The following ACVR1C variants were observed in gnomAD, a reference collection of about 807,000 sequenced individuals.
ACVR1C encodes activin A receptor type 1C.
ACVR1C carries 23 observed loss-of-function variants against 57.9 expected under a neutral mutation model. The ratio of observed to expected loss-of-function variants is 0.40; its 90% CI spans 0.29 to 0.56. The LOEUF is 0.56. Among genes scored for constraint, ACVR1C ranks in the 20% least tolerant of loss-of-function variants. ACVR1C has a pLI of 0.50. For missense variants in ACVR1C, 480 were observed against 607.9 expected (o/e 0.79, Z 2.21); for synonymous variants, 214 against 215.3 (o/e 0.99, Z 0.05).
chr2:157,584,609 T>A (rs1688873305), intron 2 of ACVR1C, among the ~76,000 whole-genome samples: 1 of 152,198 alleles, frequency 6.6e-6, no homozygotes, highest in Admixed American at 6.5e-5. Flanking sequence ...GGCAAGAATA[T>A]GTACTAACTG....
chr2:157,622,942 T>A (rs1439810332), intron 1 of ACVR1C, among the ~76,000 whole-genome samples: 5 of 151,954 alleles, frequency 3.3e-5, no homozygotes, highest in Non-Finnish European at 5.9e-5. Context: ...ATAAAAAAAT[T>A]GACAAAAGAT....
intron 3 of ACVR1C, among the ~76,000 whole-genome samples, chr2:157,551,189 G>T (rs184803919): frequency 6.6e-6 from 1 of 152,316 alleles, no homozygotes; most frequent in Non-Finnish European, 1.5e-5. Context: ...TCAGATTTCA[G>T]CTCTGCCACC....
chr2:157,536,666 T>C (rs887465107), intron 8 of ACVR1C, among the ~76,000 whole-genome samples: 2 of 152,096 alleles, frequency 1.3e-5, no homozygotes, highest in African/African-American at 4.8e-5. Flanking sequence ...AAAATACTTT[T>C]AAAGGATTCA....
intron 3 of ACVR1C, among the ~76,000 whole-genome samples, chr2:157,551,397 G>A (rs1687921775): frequency 6.6e-6 from 1 of 152,104 alleles, no homozygotes; most frequent in Admixed American, 6.5e-5. Flanking sequence ...CTTACTCAGA[G>A]CCAATAATAA....
intron 1 of ACVR1C, among the ~76,000 whole-genome samples, chr2:157,590,375 G>A (rs1689032493): frequency 6.6e-6 from 1 of 151,618 alleles, no homozygotes; most frequent in African/African-American, 2.4e-5. Context: ...TTCAAATACC[G>A]ATATGGGAGC....
chr2:157,543,368 C>A (rs924727680), intron 5 of ACVR1C, among the ~76,000 whole-genome samples: 4 of 152,052 alleles, frequency 2.6e-5, no homozygotes, highest in African/African-American at 4.8e-5. Context: ...GAATGAAGAA[C>A]AGGTATGAAA....
In ACVR1C at chr2:157,600,154, T is replaced by G. The variant is rs543205857; in HGVS notation, c.74-12737A>C. On this transcript the variant is annotated intron_variant, in intron 1 of 8. Coordinates refer to ENST00000243349, the MANE Select transcript of ACVR1C (RefSeq NM_145259.3). ...TGAGGAAGAAAACTGTTCAGGAGAA[T>G]CATGTATTCTTATAAAGACTGACAT... Among the ~76,000 whole-genome samples, 7 of 152,286 alleles carry G rather than the reference T, an allele frequency of 4.6e-5. No individual in the cohort carries two copies. In the South Asian group the frequency reaches 1.2e-3, roughly 27 times the overall value.
intron 1 of ACVR1C, among the ~76,000 whole-genome samples, chr2:157,593,025 C>T (rs1470705043): frequency 3.3e-5 from 5 of 152,056 alleles, no homozygotes; most frequent in Non-Finnish European, 5.9e-5. Context: ...CTTTTGTCTC[C>T]TCCTACCCCT....
chr2:157,535,782 C>CA (rs1490728141), intron 8 of ACVR1C, among the ~76,000 whole-genome samples: 2 of 151,994 alleles, frequency 1.3e-5, no homozygotes, highest in South Asian at 4.1e-4. Context: ...GATTCTGCCT[C>CA]AAAAAAATAA....
At chr2:157,612,894 G>C (rs1309583898) in intron 1 of ACVR1C, among the ~76,000 whole-genome samples, 3 of 152,202 alleles carry the variant, frequency 2.0e-5, no homozygotes, top group African/African-American at 7.2e-5. Flanking sequence ...ATGAATCCAA[G>C]TGACAGCAGA....
intron 1 of ACVR1C, among the ~76,000 whole-genome samples, chr2:157,595,552 T>C (rs1397628276): frequency 1.3e-5 from 2 of 152,228 alleles, no homozygotes; most frequent in Non-Finnish European, 2.9e-5. Context: ...CCTAAATGGT[T>C]CCACATCAAA....
At chr2:157,590,927 CTAA>C (rs900978947) in intron 1 of ACVR1C, among the ~76,000 whole-genome samples, 3 of 151,848 alleles carry the variant, frequency 2.0e-5, no homozygotes, top group Non-Finnish European at 4.4e-5. Flanking sequence ...AAAGGCAGGA[CTAA>C]TAATAATATA....
intron 1 of ACVR1C, among the ~76,000 whole-genome samples, chr2:157,609,080 TG>T (rs898580857): frequency 5.3e-5 from 8 of 151,868 alleles, no homozygotes; most frequent in Non-Finnish European, 1.2e-4. Context: ...AAATCAGGTG[TG>T]TTTTTTTTAG....
In ACVR1C at chr2:157,599,353, G is replaced by C. The variant is rs565366753; in HGVS notation, c.74-11936C>G. Among the ~76,000 whole-genome samples the C allele has an allele frequency of 4.3e-3, 422 of 97,088 alleles. 4 individuals are homozygous for C. Among genetic ancestry groups the C allele is most frequent in the African/African-American group, 0.016 (405 of 24,800 alleles). The allele number at this position is 97,088 out of a possible 152,430, so 63.7% of individuals were successfully genotyped here. On this transcript the variant is annotated intron_variant, in intron 1 of 8. Transcript: ENST00000243349. ...AAAAAAAAAAAAAAAAAAAAAAAAA[G>C]GCTGAATAATAATAGCCACCCACTC...
At chr2:157,576,210 T>TTTTC (rs1463725135) in intron 2 of ACVR1C, among the ~76,000 whole-genome samples, 49 of 141,746 alleles carry the variant, frequency 3.5e-4, no homozygotes, top group African/African-American at 1.3e-3. Context: ...TTTCTTTTTT[T>TTTTC]TTTTTTTTTT....
rs536960993 is a variant in ACVR1C at position 157,549,063 on chromosome 2, CA to C, written c.775+1098del. On this transcript the variant is annotated intron_variant, in intron 4 of 8. Coordinates refer to ENST00000243349, the MANE Select transcript of ACVR1C (RefSeq NM_145259.3). ...TCCTGGTTGGTAAATAGCTGCTATT[CA>C]AAACTCCTGGGCCAGGCGGGGTGGC... Among the ~76,000 whole-genome samples the C allele has an allele frequency of 3.6e-3, 551 of 152,190 alleles. 3 individuals carry two copies. Among genetic ancestry groups the C allele is most frequent in the Non-Finnish European group, 5.9e-3 (404 of 67,992 alleles).
chr2:157,573,475 A>G (rs1688572213), intron 2 of ACVR1C, among the ~76,000 whole-genome samples: 1 of 152,080 alleles, frequency 6.6e-6, no homozygotes, highest in African/African-American at 2.4e-5. Context: ...TTATTACTAC[A>G]CTTACCCTTT....
At chr2:157,587,482 C>A in intron 1 of ACVR1C, 65 bp from the exon 2 acceptor site, 1 of 1,173,272 alleles carries the variant, frequency 8.5e-7, no homozygotes, top group Non-Finnish European at 1.2e-6. Context: ...TTTGATAATA[C>A]CTGGGAATAT....
intron 2 of ACVR1C, among the ~76,000 whole-genome samples, chr2:157,564,180 C>T (rs181916334): frequency 2.0e-5 from 3 of 152,256 alleles, no homozygotes; most frequent in Admixed American, 2.0e-4. Flanking sequence ...GAACAGGTAA[C>T]CTACAGAACG....
Sources: allele counts gnomAD v4.1 joint callset (sites outside exome capture counted in the v4.1 genomes callset), GRCh38; gene constraint gnomAD v4.1.1; transcripts MANE v1.5; gene names NCBI Gene and HGNC (gene_info 2026-07-23, HGNC 2026-07-21).